The following AK9 variants were observed in gnomAD, a reference collection of about 807,000 sequenced individuals.
AK9 encodes the protein adenylate kinase 9.
Under a neutral mutation model 239.6 loss-of-function variants are expected in AK9, and 191 were observed. The ratio of observed to expected loss-of-function variants is 0.80; its 90% CI spans 0.71 to 0.90. The LOEUF (loss-of-function observed/expected upper bound fraction) is 0.90, where lower values mean the gene tolerates loss of function less well. Among genes scored for constraint, AK9 ranks in the 40% least tolerant of loss-of-function variants. The pLI, the probability that AK9 is intolerant of heterozygous loss-of-function variation, is 0.00. For synonymous variants in AK9, 689 were observed against 721.0 expected, an observed-to-expected ratio of 0.96 and a Z score of 0.71; for missense variants, 1,995 against 2,214.7, an observed-to-expected ratio of 0.90 and a Z score of 1.99.
At position 109,579,566 on chromosome 6, in the gene AK9, C is replaced by T. The variant is rs867993440; in HGVS notation, c.2175G>A (p.Met725Ile). The stretch of plus-strand genomic sequence containing the variant: ...TGTGCTTGCCTTTTGCCTTCACTTT[C>T]ATAAGTTCCAGTAGCCTTCGATTTT... ...EEENRRLLEL[M>I]KVKAKEAEET... The change falls in exon 20 of 41, where the codon ATG (methionine) becomes ATA (isoleucine). Residue 725 changes from methionine (M) to isoleucine (I), a missense_variant. Around this residue, in one of 5 missense-constraint regions of AK9, gnomAD observed 1,290 missense variants for 1,392.7 expected, o/e 0.93. Coordinates refer to ENST00000424296, the MANE Select transcript of AK9 (RefSeq NM_001145128.3). The T allele has an allele frequency of 6.4e-7, 1 of 1,551,520 alleles. No homozygotes were observed. Among genetic ancestry groups the T allele is most frequent in the Non-Finnish European group, 8.7e-7 (1 of 1,146,822 alleles).
intron 2 of AK9, among the ~76,000 whole-genome samples, chr6:109,675,264 T>C (rs1230978942): frequency 6.6e-6 from 1 of 152,208 alleles, no homozygotes; most frequent in Non-Finnish European, 1.5e-5. Context: ...TAAGTTAATT[T>C]CATCATAATA....
intron 13 of AK9, 39 bp from the exon 14 acceptor site, chr6:109,614,519 T>G: frequency 6.6e-7 from 1 of 1,518,412 alleles, no homozygotes; most frequent in South Asian, 1.2e-5. Context: ...AAAACGTAGT[T>G]GGGGATAGAA....
intron 29 of AK9, among the ~76,000 whole-genome samples, chr6:109,520,727 CAGT>C (rs1466001421): frequency 7.2e-5 from 11 of 152,242 alleles, no homozygotes; most frequent in African/African-American, 2.6e-4. Flanking sequence ...CTGATTCTTC[CAGT>C]CCATGAGTAT....
intron 1 of AK9, among the ~76,000 whole-genome samples, chr6:109,689,626 C>A (rs572372412): frequency 6.6e-6 from 1 of 152,328 alleles, no homozygotes; most frequent in Non-Finnish European, 1.5e-5. Context: ...AGAGAAATTT[C>A]TCTGGTAATA....
rs1793906133 is a variant in AK9 at position 109,614,300 on chromosome 6, CA to C, written c.1496-5del. On this transcript the variant is annotated splice_polypyrimidine_tract_variant and splice_region_variant and intron_variant, in intron 14 of 40. Coordinates refer to ENST00000424296, the MANE Select transcript of AK9 (RefSeq NM_001145128.3). ...CTTTGGGAGCCTTGAATGTACCCTG[CA>C]ATGAAAGAATAATATACTTTATCAG... 1 of 1,550,814 alleles carries C rather than the reference CA, an allele frequency of 6.4e-7. No homozygotes were observed. The highest frequency in any genetic ancestry group is 1.4e-5 in the African/African-American group (1 of 72,932).
chr6:109,627,054 A>G (rs947439903), intron 12 of AK9, among the ~76,000 whole-genome samples: 11 of 151,954 alleles, frequency 7.2e-5, no homozygotes, highest in African/African-American at 2.7e-4. Context: ...CTTACCTTAA[A>G]ACACAAACTC....
chr6:109,550,545 C>G, intron 24 of AK9: 1 of 330,832 alleles, frequency 3.0e-6, no homozygotes. Context: ...AATGAAGGTG[C>G]CTCCAGTCCT....
chr6:109,526,036 A>G (rs1254202323), intron 29 of AK9, among the ~76,000 whole-genome samples: 1 of 152,204 alleles, frequency 6.6e-6, no homozygotes, highest in African/African-American at 2.4e-5. Context: ...TAACACAGGA[A>G]CAGAAAACCA....
intron 7 of AK9, among the ~76,000 whole-genome samples, chr6:109,657,626 T>A (rs1799877947): frequency 6.6e-6 from 1 of 151,950 alleles, no homozygotes; most frequent in South Asian, 2.1e-4. Context: ...TGTATACACG[T>A]GCCATGTTGG....
Position 109,550,224 on chromosome 6 carries a change from A to C in AK9, c.2830T>G (p.Phe944Val), listed in dbSNP as rs951224133. The C allele has an allele frequency of 4.3e-6, 7 of 1,613,432 alleles. No homozygotes were observed. The highest frequency in any genetic ancestry group is 1.6e-4 in the Middle Eastern group (1 of 6,084). Residue 944 changes from phenylalanine (F) to valine (V), a missense_variant, in exon 25 of 41, where the codon TTC becomes GTC. Phe to Val is a conservative substitution (Grantham distance 50). Coordinates refer to ENST00000424296, the MANE Select transcript of AK9 (RefSeq NM_001145128.3). ...HFCPVVLKEN[F>V]ILQPGNTEEA... ...TCTGTGTTTCCTGGTTGCAGGATGA[A>C]GTTTTCTTTGAGGACCACCGGACAA...
intron 26 of AK9, among the ~76,000 whole-genome samples, chr6:109,544,642 C>G (rs751555489): frequency 6.6e-6 from 1 of 152,200 alleles, no homozygotes; most frequent in African/African-American, 2.4e-5. Flanking sequence ...AGAAGCCAAG[C>G]AGATGCCACT....
At chr6:109,549,982 T>C (rs370369434) in intron 25 of AK9, 108 bp downstream of exon 25, 1 of 1,201,486 alleles carries the variant, frequency 8.3e-7, no homozygotes. Flanking sequence ...TTCTTTATAT[T>C]GTAATATCAG....
intron 1 of AK9, among the ~76,000 whole-genome samples, chr6:109,689,227 C>T (rs1583599346): frequency 6.6e-6 from 1 of 152,094 alleles, no homozygotes; most frequent in African/African-American, 2.4e-5. Context: ...AAAATTGAGA[C>T]TAGCCACTAC....
intron 35 of AK9, among the ~76,000 whole-genome samples, chr6:109,503,324 A>T (rs1422748822): frequency 1.3e-5 from 2 of 152,128 alleles, no homozygotes; most frequent in Admixed American, 6.5e-5. Flanking sequence ...AGGTTTAGTG[A>T]CAGGGTAATT....
rs144374788 is a variant in AK9, at chr6:109,495,381, G to A, written c.5375C>T (p.Pro1792Leu). 1.7e-4 allele frequency: 279 copies of A among 1,613,568 alleles called. 1 individual carries two copies. Among genetic ancestry groups the A allele is most frequent in the South Asian group, 9.9e-5 (9 of 91,034 alleles). The change falls in exon 39 of 41, where the codon CCG (proline) becomes CTG (leucine). Residue 1792 changes from proline (P) to leucine (L), a missense_variant. Coordinates refer to ENST00000424296, the MANE Select transcript of AK9 (RefSeq NM_001145128.3). Reference protein sequence around the residue: ...LPHKLPPLREPILLTSLPLPG... With the variant: ...LPHKLPPLRELILLTSLPLPG... The stretch of plus-strand genomic sequence containing the variant: ...CAAAGGAAGACTAGTAAGAAGTATC[G>A]GTTCCCTTAATGGGGGAAGCTTGTG...
Position 109,577,154 on chromosome 6 carries a change from G to T in AK9, c.2191+2396C>A, listed in dbSNP as rs558385540. ...CATAGATGGCTTTTATTACCTTGAG[G>T]TGTGTTCCTTTTATGCCCATTTTTC... On this transcript the variant is annotated intron_variant, in intron 20 of 40. Coordinates refer to ENST00000424296, the MANE Select transcript of AK9 (RefSeq NM_001145128.3). Among the ~76,000 whole-genome samples the T allele has an allele frequency of 1.2e-4, 18 of 152,064 alleles. No homozygotes were observed. The East Asian group carries it at 3.1e-3, about 26-fold the overall frequency.
chr6:109,664,901 A>G (rs1055872057), intron 5 of AK9, among the ~76,000 whole-genome samples: 1 of 151,912 alleles, frequency 6.6e-6, no homozygotes, highest in African/African-American at 2.4e-5. Context: ...TTAGCCAAGC[A>G]TAGTGGCGGG....
intron 12 of AK9, among the ~76,000 whole-genome samples, chr6:109,624,384 C>T (rs937582244): frequency 6.6e-6 from 1 of 152,150 alleles, no homozygotes; most frequent in Non-Finnish European, 1.5e-5. Context: ...TGCACTACAT[C>T]CTCTAGTAGC....
chr6:109,651,683 AAAG>A lies in AK9; in HGVS notation c.759+5070_759+5072del, dbSNP rs772760775. On this transcript the variant is annotated intron_variant, in intron 8 of 40. Coordinates refer to ENST00000424296, the MANE Select transcript of AK9 (RefSeq NM_001145128.3). Reference sequence around the variant, plus strand: ...TTGATAGACCACTAACAAGACTAATAAAGAAGAAAAGAGAGAAAAATCAAATAG... The same window carrying A: ...TTGATAGACCACTAACAAGACTAATAAAGAAAAGAGAGAAAAATCAAATAG... Among the ~76,000 whole-genome samples, 374 of 152,300 alleles carry A rather than the reference AAAG, an allele frequency of 2.5e-3. 2 individuals carry two copies. Among genetic ancestry groups the A allele is most frequent in the Non-Finnish European group, 2.9e-3 (196 of 68,028 alleles).
Sources: allele counts gnomAD v4.1 joint callset (sites outside exome capture counted in the v4.1 genomes callset), GRCh38; gene constraint gnomAD v4.1.1; regional missense constraint gnomAD v4.1.1; transcripts MANE v1.5; gene names NCBI Gene and HGNC (gene_info 2026-07-23, HGNC 2026-07-21).